Variants in HIP1 observed in about 807,000 individuals in gnomAD.
HIP1 encodes huntingtin-interacting protein 1.
HIP1 carries 65 observed loss-of-function variants against 147.6 expected under a neutral mutation model. The observed-to-expected ratio is 0.44, with a 90% confidence interval of 0.36 to 0.54. The LOEUF is 0.54. Ranked by LOEUF, HIP1 falls within the 20% of genes least tolerant of loss-of-function variation. The pLI, the probability that HIP1 is intolerant of heterozygous loss-of-function variation, is 0.00. For missense variants in HIP1, 1,061 were observed against 1,299.6 expected, an observed-to-expected ratio of 0.82 and a Z score of 2.82; for synonymous variants, 479 against 504.0, an observed-to-expected ratio of 0.95 and a Z score of 0.67.
intron 1 of HIP1, among the ~76,000 whole-genome samples, chr7:75,613,498 C>A (rs1400845658): frequency 1.3e-5 from 2 of 152,166 alleles, no homozygotes; most frequent in Non-Finnish European, 2.9e-5. Flanking sequence ...CTCACTTGGG[C>A]CTCTTCCTCC....
At chr7:75,732,490 C>G (rs537191254) in intron 1 of HIP1, among the ~76,000 whole-genome samples, 5 of 152,230 alleles carry the variant, frequency 3.3e-5, no homozygotes, top group African/African-American at 1.2e-4. Context: ...CCTGTCTCTG[C>G]CTGCCGAGTA....
At chr7:75,729,524 G>A (rs1450390162) in intron 1 of HIP1, among the ~76,000 whole-genome samples, 1 of 151,720 alleles carries the variant, frequency 6.6e-6, no homozygotes, top group African/African-American at 2.4e-5. Context: ...AATGGCTCAC[G>A]CCTGTATTCC....
At chr7:75,723,882 G>A (rs539789703) in intron 1 of HIP1, among the ~76,000 whole-genome samples, 4 of 151,874 alleles carry the variant, frequency 2.6e-5, no homozygotes, top group South Asian at 4.2e-4. Flanking sequence ...CCCAAGTAGC[G>A]GGGACTATAG....
At chr7:75,666,152 A>G (rs578132427) in intron 1 of HIP1, among the ~76,000 whole-genome samples, 95 of 150,420 alleles carry the variant, frequency 6.3e-4, no homozygotes, top group African/African-American at 2.2e-3. Context: ...ATCATGCTTT[A>G]TTAATTAATT....
At chr7:75,619,392 G>A (rs1179616) in intron 1 of HIP1, among the ~76,000 whole-genome samples, 38,855 of 151,556 alleles carry the variant, frequency 0.26, 6,453 homozygotes, top group African/African-American at 0.48. Context: ...GTGTGGTGGC[G>A]TGTGCCTGCT....
intron 5 of HIP1, among the ~76,000 whole-genome samples, chr7:75,583,756 TTGTGTGTGTGTGTGTGTGTGTG>T (rs60640180): frequency 3.5e-5 from 4 of 115,516 alleles, no homozygotes; most frequent in East Asian, 2.6e-4. Flanking sequence ...GCGGGCTAAT[TTGTGTGTGTGTGTGTGTGTGTG>T]TGTGTGTGTG....
At chr7:75,550,992 G>A (rs899110361) in intron 22 of HIP1, among the ~76,000 whole-genome samples, 4 of 152,122 alleles carry the variant, frequency 2.6e-5, no homozygotes, top group Middle Eastern at 3.4e-3. Context: ...GAGAACAGAC[G>A]GATGAATTAA....
At chr7:75,729,898 T>A (rs1554522791) in intron 1 of HIP1, among the ~76,000 whole-genome samples, 1 of 151,916 alleles carries the variant, frequency 6.6e-6, no homozygotes, top group African/African-American at 2.4e-5. Flanking sequence ...CCAGGCAAGA[T>A]GTAATAAGAG....
chr7:75,601,253 G>A (rs1554502867), intron 1 of HIP1, among the ~76,000 whole-genome samples: 1 of 151,654 alleles, frequency 6.6e-6, no homozygotes, highest in Non-Finnish European at 1.5e-5. Context: ...GCAAACTACA[G>A]TTACAAGCCA....
intron 1 of HIP1, among the ~76,000 whole-genome samples, chr7:75,645,845 A>T (rs1344271378): frequency 6.6e-6 from 1 of 152,182 alleles, no homozygotes; most frequent in African/African-American, 2.4e-5. Context: ...AGAAACAGAA[A>T]ACCAAATACT....
At chr7:75,664,500 A>G (rs1396840094) in intron 1 of HIP1, among the ~76,000 whole-genome samples, 1 of 40,484 alleles carries the variant, frequency 2.5e-5, no homozygotes, top group Non-Finnish European at 4.6e-5. Context: ...ACACATACAT[A>G]TATATGTATG....
chr7:75,721,496 T>A (rs1361627717), intron 1 of HIP1, among the ~76,000 whole-genome samples: 2 of 151,064 alleles, frequency 1.3e-5, no homozygotes, highest in Non-Finnish European at 2.9e-5. Flanking sequence ...ACCACTGCAC[T>A]CCAGCCTGGG....
chr7:75,595,727 G>A (rs1283773535), intron 2 of HIP1, among the ~76,000 whole-genome samples: 2 of 151,918 alleles, frequency 1.3e-5, no homozygotes, highest in African/African-American at 4.8e-5. Flanking sequence ...TATGCCCCAA[G>A]TATGTGTCAA....
chr7:75,599,924 C>T (rs1554502684), intron 1 of HIP1, among the ~76,000 whole-genome samples: 1 of 150,968 alleles, frequency 6.6e-6, no homozygotes, highest in African/African-American at 2.4e-5. Context: ...CAACCTCTGC[C>T]TCCCGGGTTC....
At chr7:75,693,300 C>T (rs1554518389) in intron 1 of HIP1, among the ~76,000 whole-genome samples, 1 of 152,056 alleles carries the variant, frequency 6.6e-6, no homozygotes, top group Non-Finnish European at 1.5e-5. Context: ...TATTTGTACA[C>T]CTTCCTTTGT....
Position 75,563,189 on chromosome 7 carries a change from T to C in HIP1, c.878A>G (p.Glu293Gly). Residue 293 changes from glutamate to glycine, a missense_variant and splice_region_variant, in exon 10 of 31, where the codon GAG becomes GGG. Physicochemically the swap from Glu to Gly is moderately conservative, Grantham distance 98 (BLOSUM62 -2). Coordinates refer to ENST00000336926, the MANE Select transcript of HIP1 (RefSeq NM_005338.7). ...KRLIQIPQLPENPPNFLRASA... is the reference protein window; with the variant it reads ...KRLIQIPQLPGNPPNFLRASA... ...GGGTGTGTGGTTGGGCATGCTTACC[T>C]CAGGCAGCTGGGGGATCTGAATGAG... is the stretch of plus-strand genomic sequence containing the variant. 1 of 1,614,168 alleles carries C rather than the reference T, an allele frequency of 6.2e-7. No individual in the cohort carries two copies. The highest frequency in any genetic ancestry group is 8.5e-7 in the Non-Finnish European group (1 of 1,180,008).
intron 1 of HIP1, chr7:75,625,965 A>T (rs1798021836): frequency 6.6e-6 from 1 of 152,028 alleles, no homozygotes; most frequent in Non-Finnish European, 1.5e-5. Context: ...ATGCGAAGGC[A>T]CACCAGTCAT....
intron 13 of HIP1, 111 bp from the exon 14 acceptor site, chr7:75,560,026 G>T: frequency 9.2e-7 from 1 of 1,086,806 alleles, no homozygotes; most frequent in Non-Finnish European, 1.3e-6. Flanking sequence ...ATTCCCCTAA[G>T]TCAACTCTCC....
At chr7:75,717,932 T>C (rs1051495025) in intron 1 of HIP1, among the ~76,000 whole-genome samples, 1 of 150,744 alleles carries the variant, frequency 6.6e-6, no homozygotes, top group Non-Finnish European at 1.5e-5. Context: ...ATCACGCCAC[T>C]GCATTCCAGC....
Sources: gnomAD v4.1 joint callset for allele counts (sites outside exome capture counted in the v4.1 genomes callset) on GRCh38, gnomAD v4.1.1 for gene constraint, MANE v1.5 for transcripts, NCBI Gene and HGNC (gene_info 2026-07-23, HGNC 2026-07-21) for gene names.